Variants in NLGN1 observed in about 807,000 individuals in gnomAD.
NLGN1 encodes the protein neuroligin 1.
NLGN1 carries 12 observed loss-of-function variants against 65.5 expected under a neutral mutation model. That is an observed-to-expected ratio of 0.18 (90% confidence interval 0.12 to 0.30). The LOEUF is 0.30. Among genes scored for constraint, NLGN1 ranks in the 10% least tolerant of loss-of-function variants. The pLI, the probability that NLGN1 is intolerant of heterozygous loss-of-function variation, is 1.00. For synonymous variants in NLGN1, 350 were observed against 359.5 expected (o/e 0.97, Z 0.30); for missense variants, 750 against 1,007.1 (o/e 0.74, Z 3.46).
At chr3:173,934,238 G>T (rs1744656963) in intron 4 of NLGN1, among the ~76,000 whole-genome samples, 1 of 148,250 alleles carries the variant, frequency 6.7e-6, no homozygotes, top group East Asian at 2.0e-4. Context: ...TAATAATAAT[G>T]TACTATTATA....
intron 4 of NLGN1, among the ~76,000 whole-genome samples, chr3:174,015,106 T>C (rs1210948343): frequency 6.6e-6 from 1 of 152,200 alleles, no homozygotes; most frequent in Non-Finnish European, 1.5e-5. Flanking sequence ...AATTACATTT[T>C]GCTATATTTG....
intron 4 of NLGN1, among the ~76,000 whole-genome samples, chr3:173,905,049 C>T (rs1738114623): frequency 6.6e-6 from 1 of 152,106 alleles, no homozygotes; most frequent in Admixed American, 6.6e-5. Flanking sequence ...TTTTAAACCT[C>T]CGTGGCTCCT....
At chr3:173,777,692 A>G (rs1780525610) in intron 3 of NLGN1, among the ~76,000 whole-genome samples, 1 of 151,358 alleles carries the variant, frequency 6.6e-6, no homozygotes, top group African/African-American at 2.4e-5. Flanking sequence ...CCATTTTTAG[A>G]AATCCATTCA....
rs539450016 is a variant in NLGN1, at chr3:174,254,368, A to G, written c.647-20947A>G. ...TTTGGGATAGTGAGAAACTTGAATT[A>G]TCTTTCAAGTTTTATCAGAGACCTG... On this transcript the variant is annotated intron_variant, in intron 4 of 6. Coordinates refer to ENST00000457714, the Ensembl canonical transcript of NLGN1. Among the ~76,000 whole-genome samples, 12 of 104,624 alleles carry G rather than the reference A, an allele frequency of 1.1e-4. No homozygotes were observed. In the South Asian group the frequency reaches 3.6e-3, roughly 32 times the overall value. 68.6% of individuals were successfully genotyped at this position (104,624 alleles called of 152,430 possible).
chr3:174,190,564 T>G (rs1732199199), intron 4 of NLGN1, among the ~76,000 whole-genome samples: 1 of 152,060 alleles, frequency 6.6e-6, no homozygotes, highest in African/African-American at 2.4e-5. Flanking sequence ...ATTACTATAT[T>G]AACATATGCA....
chr3:173,956,752 A>G (rs184049801), intron 4 of NLGN1, among the ~76,000 whole-genome samples: 6 of 152,322 alleles, frequency 3.9e-5, no homozygotes, highest in Non-Finnish European at 7.4e-5. Context: ...AAGCATAATG[A>G]TACTGGTCAT....
intron 2 of NLGN1, among the ~76,000 whole-genome samples, chr3:173,546,601 T>C (rs1278781941): frequency 6.6e-6 from 1 of 152,180 alleles, no homozygotes. Context: ...GATCTGAGGT[T>C]TCTGAATTTT....
At chr3:173,759,746 C>T (rs1181512237) in intron 3 of NLGN1, among the ~76,000 whole-genome samples, 1 of 151,632 alleles carries the variant, frequency 6.6e-6, no homozygotes, top group Non-Finnish European at 1.5e-5. Context: ...TTTCTTTGGC[C>T]CAGTTTTCTA....
chr3:174,208,973 G>C (rs1010989957), intron 4 of NLGN1, among the ~76,000 whole-genome samples: 1 of 152,100 alleles, frequency 6.6e-6, no homozygotes, highest in African/African-American at 2.4e-5. Flanking sequence ...GCCCAGGCTG[G>C]AGTGTAGTGG....
intron 2 of NLGN1, among the ~76,000 whole-genome samples, chr3:173,439,906 C>G (rs1718860733): frequency 1.3e-5 from 2 of 152,068 alleles, no homozygotes; most frequent in Non-Finnish European, 2.9e-5. Context: ...AATAAGACAG[C>G]AATGAAGTTT....
intron 4 of NLGN1, among the ~76,000 whole-genome samples, chr3:174,142,372 C>T (rs73880364): frequency 0.01 from 1,561 of 152,166 alleles, 25 homozygotes; most frequent in African/African-American, 0.036. Flanking sequence ...TCTTTAATTG[C>T]CATTACAGCT....
At chr3:174,138,520 C>T (rs560061566) in intron 4 of NLGN1, among the ~76,000 whole-genome samples, 20 of 151,052 alleles carry the variant, frequency 1.3e-4, no homozygotes, top group Admixed American at 4.6e-4. Flanking sequence ...CTACAAGCTC[C>T]GCCTCCCAGG....
chr3:173,685,665 T>C (rs908060551), intron 3 of NLGN1: 80 of 985,200 alleles, frequency 8.1e-5, no homozygotes, highest in Non-Finnish European at 9.4e-5. Context: ...GGCGGAAAGA[T>C]AGCTATGTCA....
At chr3:173,786,337 CA>C (rs1262064377) in intron 3 of NLGN1, among the ~76,000 whole-genome samples, 2 of 151,808 alleles carry the variant, frequency 1.3e-5, no homozygotes, top group African/African-American at 4.8e-5. Context: ...TTTTAAGTAC[CA>C]AACCATTTTG....
intron 2 of NLGN1, among the ~76,000 whole-genome samples, chr3:173,542,795 A>G (rs1264113454): frequency 6.6e-6 from 1 of 152,062 alleles, no homozygotes; most frequent in Non-Finnish European, 1.5e-5. Flanking sequence ...AGATTTTGCT[A>G]TAGTTGACAT....
rs1723919706 is a variant in NLGN1, at chr3:173,464,353, T to C, written c.-321+29275T>C. Among the ~76,000 whole-genome samples the C allele has an allele frequency of 4.6e-5, 7 of 152,254 alleles. No homozygotes were observed. The South Asian group carries it at 1.5e-3, about 32-fold the overall frequency. ...AGTTAGGCTACTACTTAACTCCAAGTCTCTGCTATTTCTTAATATTTACCA... is the reference window on the plus strand; with the variant it reads ...AGTTAGGCTACTACTTAACTCCAAGCCTCTGCTATTTCTTAATATTTACCA... On this transcript the variant is annotated intron_variant, in intron 2 of 6. Coordinates refer to ENST00000457714, the Ensembl canonical transcript of NLGN1.
intron 4 of NLGN1, among the ~76,000 whole-genome samples, chr3:173,959,895 C>T (rs1461416094): frequency 2.0e-5 from 3 of 152,196 alleles, no homozygotes; most frequent in African/African-American, 7.2e-5. Context: ...TAAATATTTT[C>T]ACCCACTTTT....
chr3:173,755,535 T>C (rs941978960), intron 3 of NLGN1, among the ~76,000 whole-genome samples: 2 of 152,128 alleles, frequency 1.3e-5, no homozygotes, highest in Non-Finnish European at 2.9e-5. Flanking sequence ...ATGTGACTTA[T>C]AGATGCTGGG....
chr3:174,279,267 A>G lies in NLGN1; in HGVS notation c.1266A>G (p.Leu422=). ...CTGTTTCAAATTTTGTTGATAATTT[A>G]TATGGATATCCTGAAGGCAAAGATG... The change falls in exon 6 of 7, where the codon TTA becomes TTG. Residue 422 remains leucine (L), a synonymous_variant. Coordinates refer to ENST00000457714, the Ensembl canonical transcript of NLGN1. This position sits in a 1 kb window ranked among gnomAD's most constrained non-coding sequence, Gnocchi z 4.7. 3 of 1,613,420 alleles carry G rather than the reference A, an allele frequency of 1.9e-6. No individual in the cohort carries two copies. The highest frequency in any genetic ancestry group is 2.2e-5 in the East Asian group (1 of 44,838).
Sources: allele counts gnomAD v4.1 joint callset (sites outside exome capture counted in the v4.1 genomes callset), GRCh38; gene constraint gnomAD v4.1.1; non-coding constraint Gnocchi (gnomAD v3.1); transcripts MANE v1.5; gene names NCBI Gene and HGNC (gene_info 2026-07-23, HGNC 2026-07-21).